Variants in SORBS2 observed in about 807,000 individuals in gnomAD.
SORBS2 encodes the protein sorbin and SH3 domain containing 2, also known as sorbin and SH3 domain-containing protein 2.
In SORBS2, 46 loss-of-function variants were observed where a neutral mutation model predicts 97.7. The observed-to-expected ratio is 0.47, with a 90% CI of 0.37 to 0.60. The LOEUF (loss-of-function observed/expected upper bound fraction) is 0.60, where lower values mean the gene tolerates loss of function less well. SORBS2 is among the 20% of genes least tolerant of loss of function. SORBS2 has a pLI of 0.00. For missense variants in SORBS2, 1,316 were observed against 1,282.3 expected (o/e 1.03, Z -0.40); for synonymous variants, 476 against 473.4 (o/e 1.01, Z -0.07).
intron 2 of SORBS2, among the ~76,000 whole-genome samples, chr4:185,708,659 C>G (rs1459195820): frequency 6.6e-6 from 1 of 152,198 alleles, no homozygotes; most frequent in Non-Finnish European, 1.5e-5. Context: ...TTTCCGCCCT[C>G]CGTGATGCCT....
chr4:185,716,241 G>C (rs955420380), intron 2 of SORBS2, among the ~76,000 whole-genome samples: 1 of 152,110 alleles, frequency 6.6e-6, no homozygotes, highest in Non-Finnish European at 1.5e-5. Flanking sequence ...GTAGATGCTG[G>C]AGCCAAGCCA....
At chr4:185,596,191 G>T (rs987090784) in intron 12 of SORBS2, among the ~76,000 whole-genome samples, 2 of 152,126 alleles carry the variant, frequency 1.3e-5, no homozygotes, top group African/African-American at 2.4e-5. Flanking sequence ...TTGAGTAAAA[G>T]TTTCAACTTC....
intron 1 of SORBS2, among the ~76,000 whole-genome samples, chr4:185,806,434 CTATTTTTTTTTTTTTTTTTTTTTTTTTT>C (rs2099154364): frequency 9.2e-6 from 1 of 108,110 alleles, no homozygotes; most frequent in Non-Finnish European, 1.8e-5. Context: ...GGCTAGAATC[CTATTTTTTTTTTTTTTTTTTTTTTTTTT>C]TTTTTTTTTT....
At chr4:185,835,374 A>T (rs2099207446) in intron 1 of SORBS2, among the ~76,000 whole-genome samples, 1 of 152,244 alleles carries the variant, frequency 6.6e-6, no homozygotes, top group South Asian at 2.1e-4. Context: ...AAACTAAATT[A>T]AAGAACATTT....
chr4:185,887,458 C>T (rs1368230469), intron 1 of SORBS2, among the ~76,000 whole-genome samples: 1 of 152,214 alleles, frequency 6.6e-6, no homozygotes, highest in Non-Finnish European at 1.5e-5. Flanking sequence ...AAAATCAAAA[C>T]TTGCGGGCAT....
intron 2 of SORBS2, among the ~76,000 whole-genome samples, chr4:185,752,549 T>C (rs928055001): frequency 6.6e-6 from 1 of 152,218 alleles, no homozygotes; most frequent in East Asian, 1.9e-4. Flanking sequence ...GTGCTGGGAT[T>C]ACAGGCGTGA....
chr4:185,953,254 C>T (rs891129141), intron 1 of SORBS2, among the ~76,000 whole-genome samples: 3 of 152,220 alleles, frequency 2.0e-5, no homozygotes, highest in African/African-American at 7.2e-5. Flanking sequence ...GTGGAGTTTG[C>T]AGTGAGCCGA....
chr4:185,682,192 A>C (rs2097880755), intron 2 of SORBS2, among the ~76,000 whole-genome samples: 1 of 152,340 alleles, frequency 6.6e-6, no homozygotes, highest in East Asian at 1.9e-4. Flanking sequence ...CATTGGAAAG[A>C]AAGGAAATGA....
chr4:185,834,386 A>C (rs1402528353), intron 1 of SORBS2, among the ~76,000 whole-genome samples: 1 of 152,210 alleles, frequency 6.6e-6, no homozygotes, highest in Non-Finnish European at 1.5e-5. Context: ...GGACACATTA[A>C]TTAGATAAGA....
At chr4:185,654,913 AT>A (rs1264748843) in intron 1 of SORBS2, among the ~76,000 whole-genome samples, 2 of 152,238 alleles carry the variant, frequency 1.3e-5, no homozygotes, top group Non-Finnish European at 2.9e-5. Flanking sequence ...TTCAAAAAAG[AT>A]AAAAAAGGAC....
intron 1 of SORBS2, among the ~76,000 whole-genome samples, chr4:185,860,627 G>A (rs1005075985): frequency 1.2e-4 from 18 of 152,184 alleles, no homozygotes; most frequent in African/African-American, 4.3e-4. Context: ...ATGTACCCAA[G>A]GTGGCTGGGC....
intron 1 of SORBS2, among the ~76,000 whole-genome samples, chr4:185,810,451 TCA>T (rs2099175422): frequency 6.6e-6 from 1 of 152,268 alleles, no homozygotes; most frequent in Admixed American, 6.5e-5. Flanking sequence ...GAAGTAGATC[TCA>T]GTTACTACTT....
At chr4:185,720,649 A>G (rs1039905642) in intron 2 of SORBS2, among the ~76,000 whole-genome samples, 3 of 152,036 alleles carry the variant, frequency 2.0e-5, no homozygotes, top group Non-Finnish European at 1.5e-5. Context: ...TTGTGACTCC[A>G]TCTTATGTGA....
At chr4:185,670,147 A>G (rs2097689868) in intron 4 of SORBS2, among the ~76,000 whole-genome samples, 1 of 150,774 alleles carries the variant, frequency 6.6e-6, no homozygotes, top group Non-Finnish European at 1.5e-5. Context: ...TGAACCTGGG[A>G]GGTGGAGGTT....
intron 4 of SORBS2, among the ~76,000 whole-genome samples, chr4:185,673,570 C>T (rs1354382713): frequency 6.6e-6 from 1 of 152,136 alleles, no homozygotes; most frequent in Non-Finnish European, 1.5e-5. Flanking sequence ...TGAAGAATTA[C>T]CATGAAGCAG....
upstream of SORBS2, among the ~76,000 whole-genome samples, chr4:185,658,682 A>C (rs2097451460): frequency 6.9e-6 from 1 of 144,384 alleles, no homozygotes; most frequent in African/African-American, 2.5e-5. Flanking sequence ...ATTTGTATAA[A>C]ATAAGTAAGC....
At chr4:185,661,956 G>A (rs1561762518), upstream of SORBS2, 1 of 784,064 alleles carries the variant, frequency 1.3e-6, no homozygotes, top group African/African-American at 1.7e-5. Context: ...TTCCTCCCAT[G>A]TTGGGTCCTC....
intron 4 of SORBS2, 106 bp from the exon 8 acceptor site, chr4:185,662,348 C>G (rs1224291770): frequency 1.8e-6 from 2 of 1,110,838 alleles, no homozygotes; most frequent in East Asian, 5.2e-5. Flanking sequence ...GAGTAATCAG[C>G]TGCCAAGCTC....
At chr4:185,887,266 C>T (rs2099240149) in intron 1 of SORBS2, among the ~76,000 whole-genome samples, 1 of 152,126 alleles carries the variant, frequency 6.6e-6, no homozygotes, top group Admixed American at 6.5e-5. Context: ...CCTACATGGG[C>T]CGGGTAGAAG....
Sources: allele counts gnomAD v4.1 joint callset (sites outside exome capture counted in the v4.1 genomes callset), GRCh38; gene constraint gnomAD v4.1.1; transcripts MANE v1.5; gene names NCBI Gene and HGNC (gene_info 2026-07-23, HGNC 2026-07-21).